The following RP1 variants were observed in gnomAD, a reference collection of about 807,000 sequenced individuals.
RP1 encodes oxygen-regulated protein 1.
A neutral mutation model predicts 14.8 loss-of-function variants in RP1; 16 were observed. The observed-to-expected ratio is 1.08, with a 90% CI of 0.73 to 1.65. The LOEUF (loss-of-function observed/expected upper bound fraction) is 1.65. Among genes scored for constraint, RP1 ranks in the 40% most tolerant of loss-of-function variants. The pLI is 0.00. For synonymous variants in RP1, 876 were observed against 883.6 expected (o/e 0.99, Z 0.15); for missense variants, 2,631 against 2,535.0 (o/e 1.04, Z -0.81).
intron 14 of RP1, among the ~76,000 whole-genome samples, chr8:54,703,021 C>G (rs866930427): frequency 5.9e-5 from 9 of 152,268 alleles, no homozygotes; most frequent in Admixed American, 2.6e-4. Context: ...CAGTTATTTC[C>G]TCCTCCAAAG....
chr8:54,721,423 C>T (rs1237164819), intron 16 of RP1, among the ~76,000 whole-genome samples: 1 of 152,094 alleles, frequency 6.6e-6, no homozygotes, highest in Non-Finnish European at 1.5e-5. Flanking sequence ...AAATAGCTAG[C>T]AGGGGTCAGC....
At chr8:54,856,876 T>C (rs1191397615) in intron 26 of RP1, among the ~76,000 whole-genome samples, 1 of 152,182 alleles carries the variant, frequency 6.6e-6, no homozygotes, top group Non-Finnish European at 1.5e-5. Context: ...CAAAGCATAG[T>C]GTAGAACTTT....
At chr8:54,842,896 T>C (rs1284338552) in intron 25 of RP1, among the ~76,000 whole-genome samples, 1 of 152,108 alleles carries the variant, frequency 6.6e-6, no homozygotes, top group Non-Finnish European at 1.5e-5. Flanking sequence ...CCACAGGCCT[T>C]GCCCAGGCCT....
At chr8:54,656,819 C>T (rs542906070) in intron 6 of RP1, among the ~76,000 whole-genome samples, 171 of 150,272 alleles carry the variant, frequency 1.1e-3, no homozygotes, top group Non-Finnish European at 2.0e-3. Flanking sequence ...TAAGGGCATA[C>T]GAGATTATTA....
At position 54,692,620 on chromosome 8, in the gene RP1, G is replaced by T. The variant is rs1236119406; in HGVS notation, c.1718-6847G>T. Among the ~76,000 whole-genome samples, 4 of 119,812 alleles carry T rather than the reference G, an allele frequency of 3.3e-5. No homozygotes were observed. In the South Asian group the frequency reaches 1.3e-3, roughly 39 times the overall value. 78.6% of individuals were successfully genotyped at this position (119,812 alleles called of 152,430 possible). On this transcript the variant is annotated intron_variant, in intron 12 of 22. Transcript: ENST00000636932. ...TTTGGCTGCATAAATGTCTTCTTTTGAGAAGTGTCTGTTCATGTCCTTCGC... is the reference window on the plus strand; with the variant it reads ...TTTGGCTGCATAAATGTCTTCTTTTTAGAAGTGTCTGTTCATGTCCTTCGC...
At position 54,630,456 on chromosome 8, in the gene RP1, C is replaced by G; in HGVS notation, c.*103C>G. ...GATAACCTCTAAGAATTTTCCACTT[C>G]TTCAAAATGAACTTACTCTAGAAAG... On this transcript the variant is annotated 3_prime_UTR_variant, in exon 4 of 4. Coordinates refer to ENST00000220676, the MANE Select transcript of RP1 (RefSeq NM_006269.2). The G allele has an allele frequency of 2.0e-6, 3 of 1,537,086 alleles. No individual in the cohort carries two copies. The highest frequency in any genetic ancestry group is 2.6e-6 in the Non-Finnish European group (3 of 1,143,444).
At chr8:54,793,365 G>T (rs1810513553) in intron 24 of RP1, among the ~76,000 whole-genome samples, 1 of 151,756 alleles carries the variant, frequency 6.6e-6, no homozygotes, top group Admixed American at 6.6e-5. Flanking sequence ...AGCCAGACAG[G>T]ATATTAGAAG....
In RP1 at chr8:54,869,858, C is replaced by T. The variant is rs897458162; in HGVS notation, c.4167C>T (p.Tyr1389=). Reference sequence around the variant, plus strand: ...TGCATGGCAGATGGCTAGATGAGTACCAAGATGATGGCAAGACCCAGCGGG... The same window carrying T: ...TGCATGGCAGATGGCTAGATGAGTATCAAGATGATGGCAAGACCCAGCGGG... Residue 1389 remains tyrosine (Y), a synonymous_variant, in exon 29 of 29, where the codon TAC becomes TAT. Transcript: ENST00000637698. 7 of 1,230,410 alleles carry T rather than the reference C, an allele frequency of 5.7e-6. No homozygotes were observed. In the African/African-American group the frequency reaches 7.8e-5, roughly 14 times the overall value. 76.2% of individuals were successfully genotyped at this position (1,230,410 alleles called of 1,614,324 possible).
chr8:54,566,405 C>T (rs1804406849), intron 1 of RP1, among the ~76,000 whole-genome samples: 1 of 152,166 alleles, frequency 6.6e-6, no homozygotes, highest in South Asian at 2.1e-4. Context: ...GATAAGCCTT[C>T]TGTGTTGACT....
intron 25 of RP1, among the ~76,000 whole-genome samples, chr8:54,846,213 G>A (rs1460561451): frequency 6.6e-6 from 1 of 152,160 alleles, no homozygotes; most frequent in African/African-American, 2.4e-5. Flanking sequence ...CAATTAATTG[G>A]CTTCAATTCC....
At chr8:54,849,149 T>G (rs1344934894) in intron 25 of RP1, among the ~76,000 whole-genome samples, 1 of 152,102 alleles carries the variant, frequency 6.6e-6, no homozygotes, top group Non-Finnish European at 1.5e-5. Flanking sequence ...GGCTGTCCAT[T>G]AAGCAGGCAG....
chr8:54,739,259 AT>A (rs1443987949), intron 19 of RP1, among the ~76,000 whole-genome samples: 7 of 152,140 alleles, frequency 4.6e-5, no homozygotes, highest in Non-Finnish European at 4.4e-5. Context: ...TTGACTTAAG[AT>A]TTTTCGACTT....
At chr8:54,617,699 C>T (rs1805754449) in intron 1 of RP1, among the ~76,000 whole-genome samples, 1 of 152,204 alleles carries the variant, frequency 6.6e-6, no homozygotes, top group Admixed American at 6.5e-5. Context: ...CTGTATTAGA[C>T]ATCCCTCCTT....
At chr8:54,595,138 T>C (rs1805111154) in intron 1 of RP1, among the ~76,000 whole-genome samples, 1 of 151,850 alleles carries the variant, frequency 6.6e-6, no homozygotes, top group African/African-American at 2.4e-5. Context: ...AAACATTTTT[T>C]TTTTTTTTTG....
chr8:54,579,893 C>G (rs1804744304), intron 1 of RP1, among the ~76,000 whole-genome samples: 1 of 152,202 alleles, frequency 6.6e-6, no homozygotes, highest in African/African-American at 2.4e-5. Flanking sequence ...CTCTCCAGGA[C>G]TGGTAGAGGC....
In RP1 at chr8:54,626,893, T is replaced by A; in HGVS notation, c.3011T>A (p.Leu1004His). 1 of 1,613,842 alleles carries A rather than the reference T, an allele frequency of 6.2e-7. No homozygotes were observed. Among genetic ancestry groups the A allele is most frequent in the Admixed American group, 1.7e-5 (1 of 60,018 alleles). The change falls in exon 4 of 4, where the codon CTC becomes CAC. Residue 1004 changes from leucine (L) to histidine (H), a missense_variant. Physicochemically the swap from Leu to His is moderately conservative, Grantham distance 99 (BLOSUM62 -3). Coordinates refer to ENST00000220676, the MANE Select transcript of RP1 (RefSeq NM_006269.2). ...FIANDTGEED[L>H]HETQVGSLND... is the part of the protein sequence containing the mutation. ...GCCAATGACACTGGTGAAGAAGATC[T>A]CCATGAGACACAGGTTGGATCTCTG...
intron 22 of RP1, among the ~76,000 whole-genome samples, chr8:54,766,362 T>C (rs1438190113): frequency 6.7e-6 from 1 of 149,810 alleles, no homozygotes; most frequent in Non-Finnish European, 1.5e-5. Context: ...ACTTTACTGA[T>C]TTTTTTTTTC....
intron 6 of RP1, among the ~76,000 whole-genome samples, chr8:54,662,484 A>G (rs1446542896): frequency 2.0e-5 from 3 of 152,214 alleles, no homozygotes; most frequent in East Asian, 1.9e-4. Context: ...CAAACAGAAG[A>G]GAAAGTTCTC....
chr8:54,715,301 C>T (rs1170000542), intron 15 of RP1, among the ~76,000 whole-genome samples: 1 of 152,168 alleles, frequency 6.6e-6, no homozygotes. Context: ...GCACCTTTTG[C>T]AGTCAGAACT....
Sources: gnomAD v4.1 joint callset for allele counts (sites outside exome capture counted in the v4.1 genomes callset) on GRCh38, gnomAD v4.1.1 for gene constraint, MANE v1.5 for transcripts, NCBI Gene and HGNC (gene_info 2026-07-23, HGNC 2026-07-21) for gene names.